The following PRKN variants were observed in gnomAD, a reference collection of about 807,000 sequenced individuals.
PRKN encodes parkin RBR E3 ubiquitin protein ligase.
PRKN carries 56 observed loss-of-function variants against 59.5 expected under a neutral mutation model. The ratio of observed to expected loss-of-function variants is 0.94; its 90% CI spans 0.76 to 1.18. PRKN has a LOEUF of 1.18. PRKN is among the 50% of genes most tolerant of loss of function. The pLI is 0.00. For missense variants in PRKN, 657 were observed against 596.4 expected (o/e 1.10, Z -1.06); for synonymous variants, 250 against 222.1 (o/e 1.13, Z -1.12).
At chr6:162,657,470 A>G (rs1421225319) in intron 1 of PRKN, among the ~76,000 whole-genome samples, 1 of 152,142 alleles carries the variant, frequency 6.6e-6, no homozygotes, top group Non-Finnish European at 1.5e-5. Flanking sequence ...CATTCATTTA[A>G]TAATTCCAAC....
chr6:162,155,260 C>T (rs1782460601), intron 4 of PRKN, among the ~76,000 whole-genome samples: 1 of 152,142 alleles, frequency 6.6e-6, no homozygotes, highest in Admixed American at 6.6e-5. Flanking sequence ...TTAGTCAGCA[C>T]ATATCTGATA....
chr6:161,558,619 A>C (rs536527469), intron 8 of PRKN, among the ~76,000 whole-genome samples: 2 of 152,240 alleles, frequency 1.3e-5, no homozygotes, highest in South Asian at 4.1e-4. Context: ...TTAGAAACTA[A>C]TGAAAAATAG....
In PRKN at chr6:161,842,783, C is replaced by T. The variant is rs543583733; in HGVS notation, c.735-56875G>A. Among the ~76,000 whole-genome samples, 4 of 152,088 alleles carry T rather than the reference C, an allele frequency of 2.6e-5. No individual in the cohort carries two copies. In the South Asian group the frequency reaches 8.3e-4, roughly 32 times the overall value. On this transcript the variant is annotated intron_variant, in intron 6 of 11. Transcript: ENST00000366898. ...CAGACTGGTCTCAAACTCCTGACCT[C>T]GTGATCTGCCCTCCTCGGCCTCCCA...
At chr6:161,883,148 T>C (rs1049010091) in intron 6 of PRKN, among the ~76,000 whole-genome samples, 1 of 152,102 alleles carries the variant, frequency 6.6e-6, no homozygotes, top group African/African-American at 2.4e-5. Flanking sequence ...ACATTTTTGT[T>C]AGAGAATAGA....
chr6:161,856,876 TC>T (rs1300471361), intron 6 of PRKN, among the ~76,000 whole-genome samples: 1 of 152,194 alleles, frequency 6.6e-6, no homozygotes, highest in Non-Finnish European at 1.5e-5. Context: ...AAATATTTCT[TC>T]CTAGAGGTCA....
rs141892212 is a variant in PRKN, at chr6:162,308,298, T to C, written c.172-45533A>G. 7.5e-3 allele frequency among the ~76,000 whole-genome samples: 1,141 copies of C among 151,262 alleles called. 15 individuals carry two copies. The highest frequency in any genetic ancestry group is 0.012 in the Non-Finnish European group (810 of 67,790). On this transcript the variant is annotated intron_variant, in intron 2 of 11. Transcript: ENST00000366898. Reference sequence around the variant, plus strand: ...TCTGCTAAGAAAGAAAAGTCAAAAATAGAAGGGGAAAAAAAACTTTTTGTG... The same window carrying C: ...TCTGCTAAGAAAGAAAAGTCAAAAACAGAAGGGGAAAAAAAACTTTTTGTG...
At chr6:162,168,383 C>A (rs1207478934) in intron 4 of PRKN, among the ~76,000 whole-genome samples, 1 of 151,290 alleles carries the variant, frequency 6.6e-6, no homozygotes, top group African/African-American at 2.4e-5. Context: ...GTCTTGTGGC[C>A]CCTAACTAGT....
intron 2 of PRKN, among the ~76,000 whole-genome samples, chr6:162,323,074 G>T (rs570320343): frequency 1.4e-3 from 165 of 119,486 alleles, no homozygotes; most frequent in African/African-American, 5.0e-3. Flanking sequence ...ACTGTTGTGG[G>T]GTGGGGGGAG....
chr6:162,278,975 A>G (rs1440594415), intron 2 of PRKN, among the ~76,000 whole-genome samples: 1 of 152,174 alleles, frequency 6.6e-6, no homozygotes, highest in African/African-American at 2.4e-5. Context: ...AAATTTTTTA[A>G]AGGTTTGAAT....
rs1469530907 is a variant in PRKN at position 161,445,700 on chromosome 6, A to G, written c.1084-58823T>C. 2.6e-5 allele frequency among the ~76,000 whole-genome samples: 4 copies of G among 152,288 alleles called. No homozygotes were observed. The highest frequency in any genetic ancestry group is 9.6e-5 in the African/African-American group (4 of 41,564). On this transcript the variant is annotated intron_variant, in intron 9 of 11. Transcript: ENST00000366898. This position sits in a 1 kb window ranked among gnomAD's most constrained non-coding sequence, Gnocchi z 7.7. ...GTCTGCGTGTCACAGGGCAGAGTGC[A>G]TGGTCTCCCTTCACGTGCGGGGCCA...
At chr6:161,506,585 G>A (rs889439438) in intron 9 of PRKN, among the ~76,000 whole-genome samples, 3 of 152,176 alleles carry the variant, frequency 2.0e-5, no homozygotes, top group Non-Finnish European at 4.4e-5. Flanking sequence ...TTGAATGACT[G>A]CTCTGGGCTG....
intron 5 of PRKN, among the ~76,000 whole-genome samples, chr6:162,011,594 G>C (rs9458433): frequency 0.8 from 108,995 of 137,038 alleles, 44,042 homozygotes; most frequent in African/African-American, 0.94. Flanking sequence ...ACTTTGTTTT[G>C]CAGTGCTATG....
At chr6:162,467,463 T>C (rs1002306359) in intron 1 of PRKN, among the ~76,000 whole-genome samples, 6 of 152,150 alleles carry the variant, frequency 3.9e-5, no homozygotes, top group African/African-American at 1.4e-4. Context: ...GCACCATGAA[T>C]GAATAGCTCA....
chr6:161,374,315 TTG>T (rs958573406), intron 10 of PRKN, among the ~76,000 whole-genome samples: 3 of 151,050 alleles, frequency 2.0e-5, no homozygotes, highest in African/African-American at 4.9e-5. Flanking sequence ...TGCGCGTGTG[TTG>T]TGTGTGTAAC....
intron 7 of PRKN, among the ~76,000 whole-genome samples, chr6:161,633,282 AC>A (rs1473503642): frequency 6.6e-6 from 1 of 152,130 alleles, no homozygotes; most frequent in East Asian, 1.9e-4. Context: ...TTGCAAGTCT[AC>A]CCTCATGATT....
chr6:161,655,978 A>T (rs1784336287), intron 7 of PRKN, among the ~76,000 whole-genome samples: 1 of 152,130 alleles, frequency 6.6e-6, no homozygotes, highest in African/African-American at 2.4e-5. Flanking sequence ...ATAAATCAGA[A>T]AGCAACTGAG....
At chr6:162,607,397 A>G (rs918612998) in intron 1 of PRKN, among the ~76,000 whole-genome samples, 9 of 152,164 alleles carry the variant, frequency 5.9e-5, no homozygotes, top group African/African-American at 2.2e-4. Flanking sequence ...AATACTGTGG[A>G]GATAAGAGGT....
chr6:161,874,464 A>AATATATTATATATAAAAT lies in PRKN; in HGVS notation c.735-88557_735-88556insATTTTATATATAATATAT, dbSNP rs1562355219. On this transcript the variant is annotated intron_variant, in intron 6 of 11. Transcript: ENST00000366898. ...TATATAAAATATATATTATATGTAA[A>AATATATTATATATAAAAT]ATATATTATATGTAAAATATATATT... Among the ~76,000 whole-genome samples the AATATATTATATATAAAAT allele has an allele frequency of 2.4e-4, 16 of 65,386 alleles. 3 individuals are homozygous for AATATATTATATATAAAAT. The highest frequency in any genetic ancestry group is 1.2e-3 in the African/African-American group (16 of 13,190). The allele number at this position is 65,386 out of a possible 152,430, so 42.9% of individuals were successfully genotyped here.
chr6:162,109,190 C>T (rs1780317658), intron 4 of PRKN, among the ~76,000 whole-genome samples: 1 of 152,204 alleles, frequency 6.6e-6, no homozygotes. Context: ...TGGAAAGCTG[C>T]TTCCAGCCCA....
Sources: allele counts gnomAD v4.1 joint callset (sites outside exome capture counted in the v4.1 genomes callset), GRCh38; gene constraint gnomAD v4.1.1; non-coding constraint Gnocchi (gnomAD v3.1); transcripts MANE v1.5; gene names NCBI Gene and HGNC (gene_info 2026-07-23, HGNC 2026-07-21).